CNTNAP2: variants seen among roughly 807,000 people sequenced by gnomAD.
The protein encoded by CNTNAP2 is contactin-associated protein-like 2.
In CNTNAP2, 98 loss-of-function variants were observed where a neutral mutation model predicts 155.2. That is an observed-to-expected ratio of 0.63 (90% CI 0.54 to 0.75). The LOEUF is 0.75. Among genes scored for constraint, CNTNAP2 ranks in the 30% least tolerant of loss-of-function variants. CNTNAP2 has a pLI of 0.00. For missense variants in CNTNAP2, 1,727 were observed against 1,688.1 expected (o/e 1.02, Z -0.40); for synonymous variants, 651 against 631.2 (o/e 1.03, Z -0.47).
intron 13 of CNTNAP2, among the ~76,000 whole-genome samples, chr7:147,749,646 A>G (rs139507987): frequency 0.011 from 1,668 of 152,318 alleles, 94 homozygotes; most frequent in Admixed American, 0.087. Flanking sequence ...TTTCCCCCAC[A>G]ATATCTACTC....
At chr7:147,435,802 A>G (rs2116537831) in intron 10 of CNTNAP2, among the ~76,000 whole-genome samples, 1 of 152,324 alleles carries the variant, frequency 6.6e-6, no homozygotes, top group East Asian at 1.9e-4. Flanking sequence ...CATCTGTAGA[A>G]TAGGAATAAT....
chr7:147,503,754 AT>A (rs923231767), intron 11 of CNTNAP2, among the ~76,000 whole-genome samples: 7 of 151,774 alleles, frequency 4.6e-5, no homozygotes, highest in African/African-American at 1.7e-4. Flanking sequence ...CACTCAGTTA[AT>A]TTTTTTTCCA....
chr7:147,033,177 T>C lies in CNTNAP2; in HGVS notation c.403-10730T>C, dbSNP rs1406013717. On this transcript the variant is annotated intron_variant, in intron 3 of 23. Transcript: ENST00000361727. ...ATATATATGTATATATATATATATATATATATATATATATATATATATATA... is the reference window on the plus strand; with the variant it reads ...ATATATATGTATATATATATATATACATATATATATATATATATATATATA... Among the ~76,000 whole-genome samples, 138 of 49,974 alleles carry C rather than the reference T, an allele frequency of 2.8e-3. 4 individuals carry two copies. Among genetic ancestry groups the C allele is most frequent in the African/African-American group, 8.2e-3 (114 of 13,834 alleles). 32.8% of individuals were successfully genotyped at this position (49,974 alleles called of 152,430 possible). A position where few individuals can be genotyped will look rare whatever the true frequency, so the allele number is the denominator to read the frequency against.
intron 15 of CNTNAP2, among the ~76,000 whole-genome samples, chr7:148,021,059 G>A (rs1329508718): frequency 1.3e-5 from 2 of 152,086 alleles, no homozygotes; most frequent in Non-Finnish European, 2.9e-5. Context: ...CACCTGTTTT[G>A]TTTTTTCACC....
At chr7:146,907,942 A>T (rs2129215759) in intron 3 of CNTNAP2, among the ~76,000 whole-genome samples, 1 of 152,318 alleles carries the variant, frequency 6.6e-6, no homozygotes, top group Admixed American at 6.5e-5. Context: ...CTCAAAATAA[A>T]AGGATGGAGG....
At chr7:148,184,853 A>C (rs768693435) in intron 18 of CNTNAP2, among the ~76,000 whole-genome samples, 1 of 152,238 alleles carries the variant, frequency 6.6e-6, no homozygotes, top group Non-Finnish European at 1.5e-5. Flanking sequence ...TATAAAATTC[A>C]TTATTCACAA....
chr7:148,079,553 T>G (rs1436834540), intron 15 of CNTNAP2, among the ~76,000 whole-genome samples: 1 of 152,204 alleles, frequency 6.6e-6, no homozygotes, highest in Admixed American at 6.5e-5. Context: ...CTCAGTGAAT[T>G]CTCTCCTGGA....
rs1007849395 is a variant in CNTNAP2 at position 148,146,998 on chromosome 7, C to A, written c.2555-493C>A. 3.3e-5 allele frequency among the ~76,000 whole-genome samples: 5 copies of A among 152,124 alleles called. No individual in the cohort carries two copies. The South Asian group carries it at 6.2e-4, about 19-fold the overall frequency. ...AGTGCCAACTCTTGACCAACTGAGTCCAAATCTCTGGACACAGGTGTTTCA... is the reference window on the plus strand; with the variant it reads ...AGTGCCAACTCTTGACCAACTGAGTACAAATCTCTGGACACAGGTGTTTCA... On this transcript the variant is annotated intron_variant, in intron 16 of 23. Coordinates refer to ENST00000361727, the MANE Select transcript of CNTNAP2 (RefSeq NM_014141.6).
At chr7:147,279,216 A>G (rs1028140430) in intron 8 of CNTNAP2, among the ~76,000 whole-genome samples, 2 of 151,674 alleles carry the variant, frequency 1.3e-5, no homozygotes, top group African/African-American at 4.8e-5. Context: ...ATTTTTATAA[A>G]TGTATTATTT....
intron 8 of CNTNAP2, among the ~76,000 whole-genome samples, chr7:147,288,546 A>C (rs1805232537): frequency 6.6e-6 from 1 of 152,230 alleles, no homozygotes; most frequent in African/African-American, 2.4e-5. Flanking sequence ...CAGTCATAAG[A>C]AATCAGAGAA....
At chr7:147,497,539 C>A (rs763369803) in intron 11 of CNTNAP2, among the ~76,000 whole-genome samples, 1 of 152,192 alleles carries the variant, frequency 6.6e-6, no homozygotes, top group Admixed American at 6.5e-5. Context: ...TCCAACTACA[C>A]TGGATAAAGA....
intron 1 of CNTNAP2, among the ~76,000 whole-genome samples, chr7:146,198,451 T>C (rs1459421026): frequency 6.6e-6 from 1 of 152,200 alleles, no homozygotes; most frequent in African/African-American, 2.4e-5. Context: ...AGATATATTC[T>C]AATTTCTATG....
chr7:147,105,760 A>G (rs868605353), intron 4 of CNTNAP2, among the ~76,000 whole-genome samples: 1 of 152,022 alleles, frequency 6.6e-6, no homozygotes, highest in African/African-American at 2.4e-5. Flanking sequence ...TTTTAGATAG[A>G]TGGATAGATA....
intron 1 of CNTNAP2, among the ~76,000 whole-genome samples, chr7:146,175,717 A>G (rs1798460460): frequency 6.6e-6 from 1 of 152,208 alleles, no homozygotes; most frequent in South Asian, 2.1e-4. Context: ...CTTAGTCTTT[A>G]TGTGCTTTTC....
At chr7:146,202,367 A>G (rs1798878606) in intron 1 of CNTNAP2, among the ~76,000 whole-genome samples, 1 of 152,178 alleles carries the variant, frequency 6.6e-6, no homozygotes, top group South Asian at 2.1e-4. Context: ...ATAAAACTAG[A>G]TCAGTCGTCT....
chr7:146,337,624 T>TTTTTC, intron 1 of CNTNAP2, among the ~76,000 whole-genome samples: 1 of 151,634 alleles, frequency 6.6e-6, no homozygotes, highest in East Asian at 1.9e-4. Flanking sequence ...TACCTGGCTT[T>TTTTTC]TTTGTTTGTT....
At chr7:146,826,021 T>C (rs1803393171) in intron 2 of CNTNAP2, among the ~76,000 whole-genome samples, 1 of 152,124 alleles carries the variant, frequency 6.6e-6, no homozygotes. Flanking sequence ...ATTTCTTTTT[T>C]GCTATTCTGC....
At chr7:146,972,682 T>C (rs931236011) in intron 3 of CNTNAP2, among the ~76,000 whole-genome samples, 6 of 152,228 alleles carry the variant, frequency 3.9e-5, no homozygotes, top group Non-Finnish European at 1.5e-5. Flanking sequence ...GCCTTGAATC[T>C]TGTAGCTTAG....
intron 10 of CNTNAP2, among the ~76,000 whole-genome samples, chr7:147,473,761 A>C (rs978612595): frequency 3.9e-5 from 6 of 152,184 alleles, no homozygotes; most frequent in Non-Finnish European, 2.9e-5. Flanking sequence ...CTGTGGTATC[A>C]GTCACATTCT....
Sources: gnomAD v4.1 joint callset for allele counts (sites outside exome capture counted in the v4.1 genomes callset) on GRCh38, gnomAD v4.1.1 for gene constraint, MANE v1.5 for transcripts, NCBI Gene and HGNC (gene_info 2026-07-23, HGNC 2026-07-21) for gene names.